Variants in CFAP299 observed in about 807,000 individuals in gnomAD.
CFAP299 encodes the protein cilia- and flagella-associated protein 299.
A neutral mutation model predicts 27.0 loss-of-function variants in CFAP299; 21 were observed. The observed-to-expected ratio is 0.78, with a 90% CI of 0.55 to 1.12. The LOEUF (loss-of-function observed/expected upper bound fraction) is 1.12. Among genes scored for constraint, CFAP299 ranks in the 50% most tolerant of loss-of-function variants. The probability of loss-of-function intolerance (pLI) is 0.00; values close to 1 mark genes in which losing one functional copy is unlikely to be tolerated. For synonymous variants in CFAP299, 104 were observed against 98.1 expected, an observed-to-expected ratio of 1.06 and a Z score of -0.36; for missense variants, 310 against 276.6, an observed-to-expected ratio of 1.12 and a Z score of -0.86.
upstream of CFAP299, among the ~76,000 whole-genome samples, chr4:80,332,848 T>C (rs1196605649): frequency 6.6e-6 from 1 of 152,156 alleles, no homozygotes; most frequent in East Asian, 1.9e-4. Flanking sequence ...AGTGGAGTTT[T>C]AGGGTAGAGG....
At chr4:80,631,859 G>GCCCC (rs34119726) in intron 3 of CFAP299, among the ~76,000 whole-genome samples, 2 of 21,510 alleles carry the variant, frequency 9.3e-5, no homozygotes, top group Non-Finnish European at 1.8e-4. Flanking sequence ...GAATATTTGT[G>GCCCC]CCCCACCCCC....
intron 2 of CFAP299, among the ~76,000 whole-genome samples, chr4:80,485,255 TA>T (rs1254300492): frequency 2.0e-5 from 3 of 148,960 alleles, no homozygotes; most frequent in African/African-American, 7.3e-5. Flanking sequence ...ATAAATATAA[TA>T]AAATATATAT....
intron 4 of CFAP299, chr4:80,870,462 A>T (rs1733015527): frequency 9.9e-7 from 1 of 1,008,702 alleles, no homozygotes; most frequent in African/African-American, 1.7e-5. Flanking sequence ...AGCCTCAAGA[A>T]CTGCTCATCT....
chr4:80,544,574 G>A (rs185606991), intron 2 of CFAP299, among the ~76,000 whole-genome samples: 55 of 152,230 alleles, frequency 3.6e-4, no homozygotes, highest in Non-Finnish European at 6.8e-4. Flanking sequence ...CTATTCTTAT[G>A]TCAGATAAAA....
At chr4:80,627,261 G>A (rs186866633) in intron 3 of CFAP299, among the ~76,000 whole-genome samples, 39 of 151,910 alleles carry the variant, frequency 2.6e-4, no homozygotes, top group Non-Finnish European at 2.5e-4. Flanking sequence ...AATCATTTCC[G>A]TAGGTGCAAA....
chr4:80,918,579 T>C (rs553583580), intron 4 of CFAP299, among the ~76,000 whole-genome samples: 10 of 152,214 alleles, frequency 6.6e-5, no homozygotes, highest in Admixed American at 5.9e-4. Flanking sequence ...CGTATTTGTG[T>C]ATGTGTGTGT....
chr4:80,827,402 G>C (rs1730044741), intron 3 of CFAP299, among the ~76,000 whole-genome samples: 1 of 151,700 alleles, frequency 6.6e-6, no homozygotes, highest in African/African-American at 2.4e-5. Context: ...GATGGCTTAA[G>C]CATGATCAAC....
intron 2 of CFAP299, among the ~76,000 whole-genome samples, chr4:80,365,275 A>G (rs1723770805): frequency 6.6e-6 from 1 of 152,156 alleles, no homozygotes; most frequent in Admixed American, 6.5e-5. Flanking sequence ...TGACTTTTTA[A>G]TAATCACCAT....
intron 3 of CFAP299, among the ~76,000 whole-genome samples, chr4:80,662,062 C>T (rs1184558162): frequency 2.0e-5 from 3 of 152,086 alleles, no homozygotes; most frequent in African/African-American, 4.8e-5. Context: ...AATGACAATG[C>T]GTGCCCGAAA....
At chr4:80,676,886 C>A (rs1291438875) in intron 3 of CFAP299, among the ~76,000 whole-genome samples, 1 of 151,862 alleles carries the variant, frequency 6.6e-6, no homozygotes, top group Non-Finnish European at 1.5e-5. Flanking sequence ...TTTATCTTTT[C>A]AAAAAACCAA....
At chr4:80,888,252 A>C (rs1303147612) in intron 4 of CFAP299, among the ~76,000 whole-genome samples, 2 of 152,050 alleles carry the variant, frequency 1.3e-5, no homozygotes, top group Admixed American at 6.6e-5. Flanking sequence ...CACACTTCAC[A>C]TACAAAGATA....
intron 3 of CFAP299, among the ~76,000 whole-genome samples, chr4:80,864,571 T>A (rs1464677305): frequency 6.7e-6 from 1 of 149,028 alleles, no homozygotes; most frequent in Non-Finnish European, 1.5e-5. Context: ...AACTAAAACG[T>A]TTGTTTCAAT....
chr4:80,503,355 T>C (rs1327442515), intron 2 of CFAP299, among the ~76,000 whole-genome samples: 1 of 152,148 alleles, frequency 6.6e-6, no homozygotes, highest in Non-Finnish European at 1.5e-5. Context: ...CTTCCTCCTC[T>C]ATTTTTTTAC....
intron 2 of CFAP299, among the ~76,000 whole-genome samples, chr4:80,461,602 C>T (rs1729440710): frequency 6.6e-6 from 1 of 152,118 alleles, no homozygotes; most frequent in African/African-American, 2.4e-5. Context: ...CATGTCTGAG[C>T]ACCCATTCCC....
At chr4:80,357,765 A>AT (rs750398778) in intron 1 of CFAP299, among the ~76,000 whole-genome samples, 1 of 151,098 alleles carries the variant, frequency 6.6e-6, no homozygotes, top group African/African-American at 2.4e-5. Flanking sequence ...TATTTTATCA[A>AT]TTTTTTCAAG....
chr4:80,942,631 A>G (rs1245914321), intron 4 of CFAP299, among the ~76,000 whole-genome samples: 1 of 152,154 alleles, frequency 6.6e-6, no homozygotes, highest in Non-Finnish European at 1.5e-5. Flanking sequence ...TTATGTAGAA[A>G]ACATTTATAT....
chr4:80,438,538 C>G (rs1728201547), intron 2 of CFAP299, among the ~76,000 whole-genome samples: 1 of 152,182 alleles, frequency 6.6e-6, no homozygotes, highest in South Asian at 2.1e-4. Flanking sequence ...TTTTCTTTCT[C>G]CACTAATTTG....
intron 2 of CFAP299, among the ~76,000 whole-genome samples, chr4:80,397,157 T>A (rs1003729119): frequency 2.0e-5 from 3 of 152,138 alleles, no homozygotes; most frequent in Admixed American, 6.5e-5. Flanking sequence ...GATTTTCTAG[T>A]TTATTTGCGT....
chr4:80,554,812 G>A (rs1482375657), intron 2 of CFAP299, among the ~76,000 whole-genome samples: 1 of 152,020 alleles, frequency 6.6e-6, no homozygotes, highest in Non-Finnish European at 1.5e-5. Flanking sequence ...GCTGTTGTTG[G>A]TGTAAAGGGA....
Sources: allele counts gnomAD v4.1 joint callset (sites outside exome capture counted in the v4.1 genomes callset), GRCh38; gene constraint gnomAD v4.1.1; transcripts MANE v1.5; gene names NCBI Gene and HGNC (gene_info 2026-07-23, HGNC 2026-07-21).